The following ANK1 variants were observed in gnomAD, a reference collection of about 807,000 sequenced individuals.
ANK1 encodes ankyrin 1.
ANK1 carries 51 observed loss-of-function variants against 210.4 expected under a neutral mutation model. The observed-to-expected ratio is 0.24, with a 90% CI of 0.19 to 0.31. The LOEUF (loss-of-function observed/expected upper bound fraction) is 0.31, where lower values mean the gene tolerates loss of function less well. ANK1 is among the 10% of genes least tolerant of loss of function. ANK1 has a pLI of 1.00. For synonymous variants in ANK1, 967 were observed against 1,025.9 expected (o/e 0.94, Z 1.10); for missense variants, 2,051 against 2,504.4 (o/e 0.82, Z 3.86).
intron 1 of ANK1, among the ~76,000 whole-genome samples, chr8:41,847,730 C>T (rs925358109): frequency 6.6e-6 from 1 of 152,166 alleles, no homozygotes; most frequent in Non-Finnish European, 1.5e-5. Flanking sequence ...TCTTGGCCAC[C>T]GTGCCTTTTA....
At chr8:41,828,390 T>A (rs111344415) in intron 1 of ANK1, 23 of 154,552 alleles carry the variant, frequency 1.5e-4, no homozygotes, top group Middle Eastern at 5.2e-4. Context: ...ATTTTCCACC[T>A]TCTCCGTCTC....
At position 41,654,553 on chromosome 8, in the gene ANK1, CT is replaced by C. The variant is rs1284494300; in HGVS notation, c.*1236del. On this transcript the variant is annotated 3_prime_UTR_variant, in exon 43 of 43. Transcript: ENST00000289734. Reference sequence around the variant, plus strand: ...TCTGGGAGACCCTGGGTGGTCCTGACTTCTAAGACCTGGCAGATACATTCAC... The same window carrying C: ...TCTGGGAGACCCTGGGTGGTCCTGACTCTAAGACCTGGCAGATACATTCAC... 1.3e-5 allele frequency: 2 copies of C among 152,586 alleles called. No individual in the cohort carries two copies. The highest frequency in any genetic ancestry group is 1.3e-4 in the Admixed American group (2 of 15,286). 9.5% of individuals were successfully genotyped at this position (152,586 alleles called of 1,614,324 possible). A position where few individuals can be genotyped will look rare whatever the true frequency, so the allele number is the denominator to read the frequency against.
At chr8:41,750,465 G>A (rs573151053) in intron 2 of ANK1, among the ~76,000 whole-genome samples, 1 of 152,308 alleles carries the variant, frequency 6.6e-6, no homozygotes, top group East Asian at 1.9e-4. Flanking sequence ...GATTGCACAA[G>A]GCTTTTACAA....
At chr8:41,805,062 C>CTGTGTG (rs1314494470) in intron 1 of ANK1, among the ~76,000 whole-genome samples, 1 of 130,196 alleles carries the variant, frequency 7.7e-6, no homozygotes, top group South Asian at 2.5e-4. Context: ...CTTTCTTTCT[C>CTGTGTG]TCTGTGTGTG....
intron 2 of ANK1, among the ~76,000 whole-genome samples, chr8:41,752,991 G>A (rs547909): frequency 0.82 from 124,712 of 151,280 alleles, 51,882 homozygotes; most frequent in East Asian, 0.88. Context: ...GGACACAGCA[G>A]TACAGCTGTG....
Position 41,661,435 on chromosome 8 carries a change from G to A in ANK1, c.*31C>T, listed in dbSNP as rs371773460. 4.6e-5 allele frequency: 74 copies of A among 1,613,846 alleles called. No homozygotes were observed. The highest frequency in any genetic ancestry group is 6.7e-5 in the Admixed American group (4 of 60,000). On this transcript the variant is annotated 3_prime_UTR_variant, in exon 42 of 43. Transcript: ENST00000289734. ...GATGAGAAGGGCAGCGTTACCTCCC[G>A]AGAGGCTACTCCAAGGAGAGCGGCT...
intron 9 of ANK1, among the ~76,000 whole-genome samples, chr8:41,721,705 CTTGAT>C (rs1406323479): frequency 1.3e-5 from 2 of 150,478 alleles, no homozygotes; most frequent in African/African-American, 2.4e-5. Context: ...CTGCTGACAC[CTTGAT>C]CTTGACCCTC....
chr8:41,727,733 G>T (rs778138653), intron 4 of ANK1, among the ~76,000 whole-genome samples, 175 bp downstream of exon 4: 1 of 152,170 alleles, frequency 6.6e-6, no homozygotes, highest in Non-Finnish European at 1.5e-5. Flanking sequence ...CTATGCATGC[G>T]AAATAATAAA....
intron 37 of ANK1, among the ~76,000 whole-genome samples, chr8:41,684,181 G>A (rs1816970766): frequency 6.6e-6 from 1 of 152,236 alleles, no homozygotes; most frequent in South Asian, 2.1e-4. Flanking sequence ...CTTGCAAAGA[G>A]CTACCGGAAA....
chr8:41,720,338 T>C (rs1375559119), intron 9 of ANK1, among the ~76,000 whole-genome samples: 1 of 152,142 alleles, frequency 6.6e-6, no homozygotes, highest in East Asian at 1.9e-4. Context: ...TGATTTTGAA[T>C]GAATGAATGA....
intron 40 of ANK1, among the ~76,000 whole-genome samples, chr8:41,662,864 G>A (rs1808958034): frequency 6.6e-6 from 1 of 152,024 alleles, no homozygotes; most frequent in Non-Finnish European, 1.5e-5. Flanking sequence ...GACAGGCAAG[G>A]TCATGTCTCT....
chr8:41,809,383 C>T (rs751198151), intron 1 of ANK1, among the ~76,000 whole-genome samples: 4 of 152,196 alleles, frequency 2.6e-5, no homozygotes, highest in Non-Finnish European at 4.4e-5. Context: ...AATTAGCAAA[C>T]GCGTCAACAT....
At chr8:41,802,653 C>T (rs1243250801) in intron 1 of ANK1, among the ~76,000 whole-genome samples, 1 of 152,060 alleles carries the variant, frequency 6.6e-6, no homozygotes, top group Non-Finnish European at 1.5e-5. Flanking sequence ...TCTAGAAAAG[C>T]ATCATAACAG....
chr8:41,690,709 G>A, intron 31 of ANK1, 110 bp from the exon 32 acceptor site: 2 of 1,499,514 alleles, frequency 1.3e-6, no homozygotes, highest in South Asian at 2.3e-5. Flanking sequence ...CTCAGCAAGA[G>A]GCATGCGGGT....
chr8:41,781,670 C>T (rs906328088), intron 1 of ANK1, among the ~76,000 whole-genome samples: 3 of 152,214 alleles, frequency 2.0e-5, no homozygotes, highest in African/African-American at 7.2e-5. Flanking sequence ...TCCACAGTCA[C>T]CCCACTGGAG....
At chr8:41,758,405 G>A (rs1270055047) in intron 1 of ANK1, among the ~76,000 whole-genome samples, 2 of 152,204 alleles carry the variant, frequency 1.3e-5, no homozygotes, top group African/African-American at 4.8e-5. Flanking sequence ...GAGTGCAGTG[G>A]CACAAGCGCA....
chr8:41,854,145 G>A (rs150654002), intron 1 of ANK1, among the ~76,000 whole-genome samples: 99 of 152,296 alleles, frequency 6.5e-4, no homozygotes, highest in Admixed American at 4.2e-3. Flanking sequence ...TTCCTGCAGC[G>A]GGTCGCTGCT....
chr8:41,704,055 T>C lies in ANK1; in HGVS notation c.2281A>G (p.Asn761Asp), dbSNP rs1444199868. ...AGTGTACTCACCGAGCTGACCTCGT[T>C]TGGGGAAGCACCGTTTTTCAGAAGC... is the stretch of plus-strand genomic sequence containing the variant. Reference protein sequence around the residue: ...TLLLKNGASPNEVSSDGTTPL... With the variant: ...TLLLKNGASPDEVSSDGTTPL... The change falls in exon 20 of 43, where the codon AAC (asparagine) becomes GAC (aspartate). Residue 761 changes from asparagine (N) to aspartate (D), a missense_variant. This residue lies in a region of ANK1 where 1,413 missense variants were observed against 1,707.4 expected (regional missense o/e 0.83). Coordinates refer to ENST00000289734, the MANE Select transcript of ANK1 (RefSeq NM_000037.4). The surrounding 1 kb of genome is among the most constrained non-coding windows in gnomAD (Gnocchi z 4.1). 3.7e-6 allele frequency: 6 copies of C among 1,614,038 alleles called. No individual in the cohort carries two copies. The highest frequency in any genetic ancestry group is 1.7e-5 in the Admixed American group (1 of 60,008).
At chr8:41,685,893 G>A (rs1030270869) in intron 36 of ANK1, among the ~76,000 whole-genome samples, 1 of 152,236 alleles carries the variant, frequency 6.6e-6, no homozygotes, top group Admixed American at 6.5e-5. Context: ...GGGACTACAG[G>A]CATGAGCCAC....
Sources: gnomAD v4.1 joint callset for allele counts (sites outside exome capture counted in the v4.1 genomes callset) on GRCh38, gnomAD v4.1.1 for gene constraint, gnomAD v4.1.1 regional missense constraint, Gnocchi (gnomAD v3.1) non-coding constraint, MANE v1.5 for transcripts, NCBI Gene and HGNC (gene_info 2026-07-23, HGNC 2026-07-21) for gene names.